Variants in CCDC178 observed in about 807,000 individuals in gnomAD.
The protein encoded by CCDC178 is coiled-coil domain-containing protein 178.
CCDC178 carries 126 observed loss-of-function variants against 117.4 expected under a neutral mutation model. The observed-to-expected ratio is 1.07, with a 90% CI of 0.93 to 1.24. The LOEUF (loss-of-function observed/expected upper bound fraction) is 1.24. CCDC178 is among the 50% of genes most tolerant of loss of function. The pLI is 0.00. For missense variants in CCDC178, 1,030 were observed against 986.9 expected (o/e 1.04, Z -0.59); for synonymous variants, 283 against 313.4 (o/e 0.90, Z 1.02).
intron 21 of CCDC178, among the ~76,000 whole-genome samples, chr18:33,038,512 C>T (rs1471094180): frequency 1.3e-5 from 2 of 151,896 alleles, no homozygotes; most frequent in Non-Finnish European, 2.9e-5. Context: ...GACTGATTGC[C>T]TTCCAAGGAA....
intron 20 of CCDC178, among the ~76,000 whole-genome samples, chr18:33,180,799 A>C (rs1251529292): frequency 6.6e-6 from 1 of 152,062 alleles, no homozygotes; most frequent in East Asian, 1.9e-4. Context: ...AGAAATAAAA[A>C]CTTTAATGTA....
intron 20 of CCDC178, among the ~76,000 whole-genome samples, chr18:33,204,787 A>G (rs1027038500): frequency 1.3e-5 from 2 of 152,184 alleles, no homozygotes; most frequent in African/African-American, 4.8e-5. Context: ...TTTACTATGT[A>G]GAATATTATA....
chr18:33,091,331 T>C (rs2057461117), intron 21 of CCDC178, among the ~76,000 whole-genome samples: 4 of 76,668 alleles, frequency 5.2e-5, no homozygotes, highest in African/African-American at 1.7e-4. Flanking sequence ...ATTCTTTTTT[T>C]TTTTTTTTTT....
At chr18:33,279,882 G>C (rs915759797) in intron 12 of CCDC178, among the ~76,000 whole-genome samples, 8 of 152,096 alleles carry the variant, frequency 5.3e-5, no homozygotes, top group Non-Finnish European at 1.0e-4. Context: ...ATGGTACTGG[G>C]AAAACTGGCT....
chr18:33,097,295 T>C (rs2057557279), intron 20 of CCDC178, among the ~76,000 whole-genome samples: 1 of 152,072 alleles, frequency 6.6e-6, no homozygotes, highest in Non-Finnish European at 1.5e-5. Context: ...CAGCAAACAG[T>C]CCTAGCTCAG....
chr18:33,089,616 T>A (rs1007220158), intron 21 of CCDC178, among the ~76,000 whole-genome samples: 4 of 152,192 alleles, frequency 2.6e-5, no homozygotes, highest in Admixed American at 1.3e-4. Flanking sequence ...TTAAAAAATA[T>A]ATTTTAACAC....
intron 21 of CCDC178, among the ~76,000 whole-genome samples, chr18:33,036,298 CTATT>C (rs1281020197): frequency 2.0e-5 from 3 of 151,674 alleles, no homozygotes; most frequent in African/African-American, 4.8e-5. Flanking sequence ...CTGAAAAAAT[CTATT>C]TATTATATAT....
At chr18:33,153,993 T>G (rs750057796) in intron 20 of CCDC178, among the ~76,000 whole-genome samples, 109 of 152,132 alleles carry the variant, frequency 7.2e-4, no homozygotes, top group Non-Finnish European at 1.1e-3. Context: ...ATTGGTTTAC[T>G]ATTCAACTTA....
chr18:33,378,906 T>C (rs1312331301), intron 5 of CCDC178, among the ~76,000 whole-genome samples: 1 of 151,766 alleles, frequency 6.6e-6, no homozygotes, highest in African/African-American at 2.4e-5. Flanking sequence ...TCTTTTTTCA[T>C]TGTGTCTTTG....
intron 20 of CCDC178, among the ~76,000 whole-genome samples, chr18:33,137,388 T>G (rs1420101622): frequency 2.0e-5 from 3 of 152,146 alleles, no homozygotes; most frequent in African/African-American, 7.2e-5. Context: ...AGAATACCCT[T>G]AAATAGGTTA....
At chr18:32,995,257 A>C (rs2055478460) in intron 21 of CCDC178, among the ~76,000 whole-genome samples, 1 of 152,228 alleles carries the variant, frequency 6.6e-6, no homozygotes, top group South Asian at 2.1e-4. Flanking sequence ...GTAGAAGTTG[A>C]ATCTCTTAAT....
At chr18:33,396,489 G>A (rs761152896) in intron 4 of CCDC178, among the ~76,000 whole-genome samples, 1 of 152,050 alleles carries the variant, frequency 6.6e-6, no homozygotes, top group Non-Finnish European at 1.5e-5. Flanking sequence ...GTACAAGGAG[G>A]TTTCTAGAAG....
At chr18:33,185,225 A>G (rs1489282529) in intron 20 of CCDC178, among the ~76,000 whole-genome samples, 2 of 152,042 alleles carry the variant, frequency 1.3e-5, no homozygotes, top group Non-Finnish European at 2.9e-5. Context: ...GGGAAACTGG[A>G]AAGTACAGAG....
At chr18:33,394,410 A>G (rs1294944845) in intron 4 of CCDC178, among the ~76,000 whole-genome samples, 1 of 152,058 alleles carries the variant, frequency 6.6e-6, no homozygotes, top group Non-Finnish European at 1.5e-5. Flanking sequence ...TGATAGAACT[A>G]AGATTTAAAC....
At chr18:33,131,930 C>A (rs1316004145) in intron 20 of CCDC178, among the ~76,000 whole-genome samples, 1 of 151,482 alleles carries the variant, frequency 6.6e-6, no homozygotes, top group Non-Finnish European at 1.5e-5. Context: ...AATACTTCAC[C>A]TTTTCTTTTT....
intron 22 of CCDC178, chr18:32,954,670 T>C (rs2144637886): frequency 6.6e-6 from 1 of 152,012 alleles, no homozygotes; most frequent in East Asian, 1.9e-4. Context: ...AATTGGGAGG[T>C]AGTGATGGAA....
At chr18:33,403,503 AC>A (rs1173302000) in intron 3 of CCDC178, among the ~76,000 whole-genome samples, 2 of 152,078 alleles carry the variant, frequency 1.3e-5, no homozygotes, top group African/African-American at 4.8e-5. Flanking sequence ...AAAAAAAAAA[AC>A]CGGACAAATG....
intron 21 of CCDC178, among the ~76,000 whole-genome samples, chr18:32,994,234 T>C (rs989563732): frequency 2.6e-5 from 4 of 152,176 alleles, no homozygotes; most frequent in Non-Finnish European, 4.4e-5. Context: ...CCAAACTTAC[T>C]GCCATTACTT....
At chr18:33,082,896 T>A (rs1217150712) in intron 21 of CCDC178, among the ~76,000 whole-genome samples, 1 of 151,974 alleles carries the variant, frequency 6.6e-6, no homozygotes, top group Non-Finnish European at 1.5e-5. Flanking sequence ...GTAATAAAAG[T>A]CATTCCTATA....
Sources: gnomAD v4.1 joint callset for allele counts (sites outside exome capture counted in the v4.1 genomes callset) on GRCh38, gnomAD v4.1.1 for gene constraint, MANE v1.5 for transcripts, NCBI Gene and HGNC (gene_info 2026-07-23, HGNC 2026-07-21) for gene names.